Variants in ADH1C observed in about 807,000 individuals in gnomAD.
ADH1C encodes alcohol dehydrogenase 1C.
Under a neutral mutation model 35.0 loss-of-function variants are expected in ADH1C, and 26 were observed. The observed-to-expected ratio is 0.74, with a 90% CI of 0.54 to 1.03. The LOEUF is 1.03. ADH1C is among the 50% of genes least tolerant of loss of function. The probability of loss-of-function intolerance (pLI) is 0.00; values close to 1 mark genes in which losing one functional copy is unlikely to be tolerated. For missense variants in ADH1C, 413 were observed against 465.4 expected (o/e 0.89, Z 1.04); for synonymous variants, 170 against 169.3 (o/e 1.00, Z -0.03).
At chr4:99,344,724 C>T in intron 5 of ADH1C, 138 bp downstream of exon 5, 2 of 1,119,460 alleles carry the variant, frequency 1.8e-6, no homozygotes, top group South Asian at 3.2e-5. Flanking sequence ...GCTCTCAGTT[C>T]TTTCTGGGTC....
chr4:99,352,605 A>G (rs1579538261), intron 1 of ADH1C, 53 bp downstream of exon 1: 1 of 1,470,458 alleles, frequency 6.8e-7, no homozygotes, highest in Admixed American at 1.7e-5. Flanking sequence ...GTATTCCTTT[A>G]TTTGTTATAT....
Position 99,343,079 on chromosome 4 carries a change from A to G in ADH1C, c.568-24T>C, listed in dbSNP as rs78680159. Reference sequence around the variant, plus strand: ...ACCTATGTTTTCAGAAAATGCAAAAATGAATTAAATAATGTTTGTTAGAAA... The same window carrying G: ...ACCTATGTTTTCAGAAAATGCAAAAGTGAATTAAATAATGTTTGTTAGAAA... On this transcript the variant is annotated intron_variant, in intron 5 of 8. Coordinates refer to ENST00000515683, the MANE Select transcript of ADH1C (RefSeq NM_000669.5). 668 of 1,606,006 alleles carry G rather than the reference A, an allele frequency of 4.2e-4. 3 individuals carry two copies. The African/African-American group carries it at 7.6e-3, about 18-fold the overall frequency.
intron 1 of ADH1C, among the ~76,000 whole-genome samples, chr4:99,349,736 A>T (rs1392460396): frequency 2.6e-5 from 4 of 152,092 alleles, no homozygotes; most frequent in Non-Finnish European, 4.4e-5. Context: ...TTATGTGCAG[A>T]GACTCCTTCC....
chr4:99,340,454 T>C (rs535938182), intron 7 of ADH1C, 121 bp downstream of exon 7: 3 of 1,236,120 alleles, frequency 2.4e-6, no homozygotes, highest in East Asian at 2.4e-5. Context: ...TTGGAGACTA[T>C]AGAAAAGAAA....
At chr4:99,341,213 G>A (rs1734407231) in intron 6 of ADH1C, among the ~76,000 whole-genome samples, 1 of 152,130 alleles carries the variant, frequency 6.6e-6, no homozygotes, top group African/African-American at 2.4e-5. Context: ...AAGTGGACAT[G>A]TTTTAAACAT....
intron 5 of ADH1C, among the ~76,000 whole-genome samples, chr4:99,344,484 G>C (rs188096041): frequency 2.5e-4 from 38 of 152,232 alleles, no homozygotes; most frequent in African/African-American, 8.7e-4. Context: ...AAGGGCAAAC[G>C]CTTCATTTCA....
At chr4:99,339,010 G>T (rs1734350670) in intron 8 of ADH1C, among the ~76,000 whole-genome samples, 1 of 151,872 alleles carries the variant, frequency 6.6e-6, no homozygotes, top group South Asian at 2.1e-4. Context: ...ATAGGGTTTA[G>T]TACCCTTCTC....
intron 1 of ADH1C, among the ~76,000 whole-genome samples, chr4:99,348,449 C>T (rs1300433210): frequency 6.6e-6 from 1 of 151,714 alleles, no homozygotes; most frequent in African/African-American, 2.4e-5. Flanking sequence ...CTACAAAGGA[C>T]ATGAACTCAT....
In ADH1C at chr4:99,342,194, G is replaced by A. The variant is rs183181829; in HGVS notation, c.828+601C>T. On this transcript the variant is annotated intron_variant, in intron 6 of 8. Coordinates refer to ENST00000515683, the MANE Select transcript of ADH1C (RefSeq NM_000669.5). The stretch of plus-strand genomic sequence containing the variant: ...TTAACTTTTGCGGGTGGTAAAATCT[G>A]TTGACTTTATTTAAAGCATTCAGTC... Among the ~76,000 whole-genome samples the A allele has an allele frequency of 5.2e-3, 788 of 152,248 alleles. 4 individuals are homozygous for A. The highest frequency in any genetic ancestry group is 7.8e-3 in the Non-Finnish European group (529 of 68,018).
Position 99,346,037 on chromosome 4 carries a change from G to A in ADH1C, c.260-771C>T, listed in dbSNP as rs144210121. 3.1e-3 allele frequency among the ~76,000 whole-genome samples: 478 copies of A among 152,176 alleles called. 1 individual carries two copies. Among genetic ancestry groups the A allele is most frequent in the Middle Eastern group, 6.8e-3 (2 of 294 alleles). ...GATATTAATTTTTTTCTGAGTAAAG[G>A]AAATAGAGCTAAAACTCAAATTGGA... On this transcript the variant is annotated intron_variant, in intron 3 of 8. Coordinates refer to ENST00000515683, the MANE Select transcript of ADH1C (RefSeq NM_000669.5).
At position 99,347,742 on chromosome 4, in the gene ADH1C, C is replaced by A. The variant is rs1427879803; in HGVS notation, c.120+3G>T. 6.3e-7 allele frequency: 1 copy of A among 1,598,380 alleles called. No homozygotes were observed. The highest frequency in any genetic ancestry group is 8.5e-7 in the Non-Finnish European group (1 of 1,172,990). Reference sequence around the variant, plus strand: ...TTAAATACAAATGGAAAAAGTATTTCACCTTAATGCGAACTTCATGAGCCT... The same window carrying A: ...TTAAATACAAATGGAAAAAGTATTTAACCTTAATGCGAACTTCATGAGCCT... On this transcript the variant is annotated splice_donor_region_variant and intron_variant, in intron 2 of 8. Transcript: ENST00000515683.
In ADH1C at chr4:99,344,942, C is replaced by T. The variant is rs1333702184; in HGVS notation, c.487G>A (p.Ala163Thr). 5 of 1,614,058 alleles carry T rather than the reference C, an allele frequency of 3.1e-6. No homozygotes were observed. In the African/African-American group the frequency reaches 4.0e-5, roughly 13 times the overall value. The change falls in exon 5 of 9, where the codon GCA (alanine) becomes ACA (threonine). Residue 163 changes from alanine (A) to threonine (T), a missense_variant. Physicochemically the swap from Ala to Thr is moderately conservative, Grantham distance 58. Coordinates refer to ENST00000515683, the MANE Select transcript of ADH1C (RefSeq NM_000669.5). Reference sequence around the variant, plus strand: ...CAGACTTTCTCCAGGGGCGAGGCTGCATCAATTTTGGCCACTGCATTCTCA... The same window carrying T: ...CAGACTTTCTCCAGGGGCGAGGCTGTATCAATTTTGGCCACTGCATTCTCA... ...VDENAVAKID[A>T]ASPLEKVCLI... is the part of the protein sequence containing the mutation.
In ADH1C at chr4:99,338,393, T is replaced by TTTTATATATATA. The variant is rs1334509876; in HGVS notation, c.1103+1183_1103+1184insTATATATATAAA. ...TAATTAACCTTTGATGAATACTGTT[T>TTTTATATATATA]TCTATATATATATATATATATATAT... On this transcript the variant is annotated intron_variant, in intron 8 of 8. Transcript: ENST00000515683. Among the ~76,000 whole-genome samples, 99 of 73,078 alleles carry TTTTATATATATA rather than the reference T, an allele frequency of 1.4e-3. 5 individuals carry two copies. The highest frequency in any genetic ancestry group is 2.0e-3 in the South Asian group (3 of 1,480). 47.9% of individuals were successfully genotyped at this position (73,078 alleles called of 152,430 possible).
chr4:99,346,398 G>A (rs191619857), intron 3 of ADH1C, among the ~76,000 whole-genome samples: 4 of 152,256 alleles, frequency 2.6e-5, no homozygotes, highest in Admixed American at 2.6e-4. Flanking sequence ...AAGGTAATAA[G>A]GCAGACATTG....
chr4:99,338,199 G>C (rs1734320509), intron 8 of ADH1C, among the ~76,000 whole-genome samples: 1 of 150,658 alleles, frequency 6.6e-6, no homozygotes, highest in South Asian at 2.1e-4. Flanking sequence ...TTATTGATAA[G>C]ATTTTATTTA....
chr4:99,345,175 T>C lies in ADH1C; in HGVS notation c.347+4A>G, dbSNP rs1275865840. On this transcript the variant is annotated splice_donor_region_variant and intron_variant, in intron 4 of 8. Coordinates refer to ENST00000515683, the MANE Select transcript of ADH1C (RefSeq NM_000669.5). ...TCTGTGCAAAGAAAGCATCAGAAAC[T>C]TACTCATTTTTCAAGCAGTAGTTGC... 1.2e-6 allele frequency: 2 copies of C among 1,613,858 alleles called. No homozygotes were observed. The highest frequency in any genetic ancestry group is 8.5e-7 in the Non-Finnish European group (1 of 1,179,828).
At chr4:99,352,606 T>C in intron 1 of ADH1C, 52 bp downstream of exon 1, 2 of 1,473,738 alleles carry the variant, frequency 1.4e-6, no homozygotes, top group East Asian at 4.6e-5. Flanking sequence ...TATTCCTTTA[T>C]TTGTTATATT....
intron 8 of ADH1C, among the ~76,000 whole-genome samples, chr4:99,337,066 A>G (rs1457174344): frequency 6.6e-6 from 1 of 152,220 alleles, no homozygotes; most frequent in Non-Finnish European, 1.5e-5. Flanking sequence ...TGGCGTGCCC[A>G]AGTTCCTGGT....
intron 8 of ADH1C, 71 bp from the exon 9 acceptor site, chr4:99,336,847 G>A (rs1360986065): frequency 4.4e-6 from 7 of 1,599,520 alleles, no homozygotes; most frequent in African/African-American, 4.0e-5. Flanking sequence ...ATAGTCCAAG[G>A]AGTATTTGAG....
Sources: gnomAD v4.1 joint callset for allele counts (sites outside exome capture counted in the v4.1 genomes callset) on GRCh38, gnomAD v4.1.1 for gene constraint, MANE v1.5 for transcripts, NCBI Gene and HGNC (gene_info 2026-07-23, HGNC 2026-07-21) for gene names.